Variants in EYS observed in about 807,000 individuals in gnomAD.
EYS encodes the protein protein eyes shut homolog.
EYS carries 250 observed loss-of-function variants against 282.1 expected under a neutral mutation model. The observed-to-expected ratio is 0.89, with a 90% CI of 0.80 to 0.98. The LOEUF is 0.98. Ranked by LOEUF, EYS falls within the 50% of genes least tolerant of loss-of-function variation. The probability of loss-of-function intolerance (pLI) is 0.00; values close to 1 mark genes in which losing one functional copy is unlikely to be tolerated. For missense variants in EYS, 4,016 were observed against 3,709.0 expected, an observed-to-expected ratio of 1.08 and a Z score of -2.15; for synonymous variants, 1,355 against 1,282.9, an observed-to-expected ratio of 1.06 and a Z score of -1.20.
intron 33 of EYS, among the ~76,000 whole-genome samples, chr6:64,018,894 C>T (rs1248128345): frequency 1.3e-5 from 2 of 150,940 alleles, no homozygotes; most frequent in African/African-American, 2.4e-5. Flanking sequence ...CCTGCCTCAG[C>T]CTCCTGAGTA....
rs1184519503 is a variant in EYS, at chr6:65,225,710, C to A, written c.2023+70153G>T. Among the ~76,000 whole-genome samples the A allele has an allele frequency of 2.8e-5, 4 of 144,154 alleles. No homozygotes were observed. In the East Asian group the frequency reaches 6.0e-4, roughly 22 times the overall value. 94.6% of individuals were successfully genotyped at this position (144,154 alleles called of 152,430 possible). On this transcript the variant is annotated intron_variant, in intron 12 of 42. Coordinates refer to ENST00000503581, the MANE Select transcript of EYS (RefSeq NM_001142800.2). ...GCCTGGGTAACTAGAGCAAAAAACTCCATCAAAAAAGAAAAAAAAAAAAAA... is the reference window on the plus strand; with the variant it reads ...GCCTGGGTAACTAGAGCAAAAAACTACATCAAAAAAGAAAAAAAAAAAAAA...
chr6:65,347,560 ATTT>A (rs33935472), intron 9 of EYS, among the ~76,000 whole-genome samples: 63 of 146,990 alleles, frequency 4.3e-4, no homozygotes, highest in Non-Finnish European at 6.3e-4. Context: ...TTCCCCATCC[ATTT>A]TTTTTTTTTG....
intron 26 of EYS, among the ~76,000 whole-genome samples, chr6:64,553,545 A>AACCCCCC (rs1765150929): frequency 4.3e-5 from 2 of 46,458 alleles, no homozygotes; most frequent in Non-Finnish European, 4.5e-5. Context: ...CTTTTGTTTG[A>AACCCCCC]CCCCCCCCCC....
rs150096232 is a variant in EYS at position 63,913,841 on chromosome 6, A to C, written c.7056-49483T>G. Among the ~76,000 whole-genome samples the C allele has an allele frequency of 1.6e-4, 25 of 152,290 alleles. No homozygotes were observed. The East Asian group carries it at 4.8e-3, about 29-fold the overall frequency. On this transcript the variant is annotated intron_variant, in intron 35 of 42. Coordinates refer to ENST00000503581, the MANE Select transcript of EYS (RefSeq NM_001142800.2). Reference sequence around the variant, plus strand: ...TCTTGTTTTATCGTGCATTGCAGATAATGTGTTTTTTTTGAAGGTTTGTGG... The same window carrying C: ...TCTTGTTTTATCGTGCATTGCAGATCATGTGTTTTTTTTGAAGGTTTGTGG...
intron 31 of EYS, among the ~76,000 whole-genome samples, chr6:64,141,732 A>G (rs1037981196): frequency 6.6e-6 from 1 of 152,218 alleles, no homozygotes; most frequent in African/African-American, 2.4e-5. Context: ...ATTTTAATTT[A>G]TAAAACAATG....
chr6:65,620,833 G>A (rs1766450218), intron 2 of EYS, among the ~76,000 whole-genome samples: 1 of 152,078 alleles, frequency 6.6e-6, no homozygotes, highest in Non-Finnish European at 1.5e-5. Context: ...TCAGGATCAG[G>A]TTGTTCAGTT....
intron 22 of EYS, among the ~76,000 whole-genome samples, chr6:64,762,002 T>C (rs920978759): frequency 3.9e-5 from 6 of 152,168 alleles, no homozygotes; most frequent in Non-Finnish European, 8.8e-5. Context: ...TACTTAATAA[T>C]AATGAATGAA....
intron 35 of EYS, among the ~76,000 whole-genome samples, chr6:63,911,203 A>G (rs1460657147): frequency 6.6e-6 from 1 of 151,896 alleles, no homozygotes; most frequent in Non-Finnish European, 1.5e-5. Flanking sequence ...CAGCTTTATC[A>G]GCTCCATTAG....
At chr6:65,038,355 T>C (rs921547702) in intron 13 of EYS, among the ~76,000 whole-genome samples, 19 of 151,534 alleles carry the variant, frequency 1.3e-4, no homozygotes, top group Middle Eastern at 3.4e-3. Flanking sequence ...TTATAATAGG[T>C]CCCTTTTCTT....
intron 13 of EYS, among the ~76,000 whole-genome samples, chr6:65,001,537 T>C (rs1372098323): frequency 1.4e-5 from 2 of 147,826 alleles, no homozygotes; most frequent in Non-Finnish European, 3.0e-5. Context: ...GGGTACGGGC[T>C]AGGGAGCATG....
chr6:65,683,003 C>T lies in EYS; in HGVS notation c.-448+24132G>A, dbSNP rs1768889882. On this transcript the variant is annotated intron_variant, in intron 1 of 42. Coordinates refer to ENST00000503581, the MANE Select transcript of EYS (RefSeq NM_001142800.2). ...TGTCATTTAAGCATTTTATGCAGAACAGTACTATGTTCAGATATGGATCAA... is the reference window on the plus strand; with the variant it reads ...TGTCATTTAAGCATTTTATGCAGAATAGTACTATGTTCAGATATGGATCAA... Among the ~76,000 whole-genome samples, 4 of 151,938 alleles carry T rather than the reference C, an allele frequency of 2.6e-5. No homozygotes were observed. The South Asian group carries it at 8.3e-4, about 32-fold the overall frequency.
intron 32 of EYS, among the ~76,000 whole-genome samples, chr6:64,076,716 C>T (rs550464540): frequency 9.2e-5 from 14 of 152,034 alleles, no homozygotes; most frequent in African/African-American, 3.4e-4. Context: ...GTCCATTAAA[C>T]CTCTTCTTCT....
At position 64,513,303 on chromosome 6, in the gene EYS, T is replaced by C. The variant is rs76566535; in HGVS notation, c.5645-73951A>G. Among the ~76,000 whole-genome samples the C allele has an allele frequency of 3.2e-4, 49 of 152,116 alleles. 1 individual carries two copies. In the East Asian group the frequency reaches 9.5e-3, roughly 29 times the overall value. ...AATTTATAAATTGGCAAAAGTGTCATTGTTAAACGTACTGTTTTTCTTTTA... is the reference window on the plus strand; with the variant it reads ...AATTTATAAATTGGCAAAAGTGTCACTGTTAAACGTACTGTTTTTCTTTTA... On this transcript the variant is annotated intron_variant, in intron 26 of 42. Coordinates refer to ENST00000503581, the MANE Select transcript of EYS (RefSeq NM_001142800.2).
Position 64,489,241 on chromosome 6 carries a change from C to A in EYS, c.5645-49889G>T, listed in dbSNP as rs1776664964. 2.7e-5 allele frequency among the ~76,000 whole-genome samples: 4 copies of A among 150,534 alleles called. No individual in the cohort carries two copies. The South Asian group carries it at 8.3e-4, about 31-fold the overall frequency. On this transcript the variant is annotated intron_variant, in intron 26 of 42. Transcript: ENST00000503581. ...TTATAATATATCATTGTACATAGAC[C>A]ATAGAAATATAAAATCTAACTTCAA...
At chr6:63,867,582 A>G (rs965540470) in intron 35 of EYS, among the ~76,000 whole-genome samples, 1 of 152,192 alleles carries the variant, frequency 6.6e-6, no homozygotes, top group Non-Finnish European at 1.5e-5. Context: ...TCGCTTTTGC[A>G]TTCTTTGTAG....
At chr6:64,711,841 G>A (rs62415461) in intron 22 of EYS, among the ~76,000 whole-genome samples, 1 of 152,110 alleles carries the variant, frequency 6.6e-6, no homozygotes, top group Non-Finnish European at 1.5e-5. Flanking sequence ...ATGAGACTCC[G>A]GTCTTTATAG....
chr6:64,718,206 G>A (rs1236659002), intron 22 of EYS, among the ~76,000 whole-genome samples: 1 of 152,158 alleles, frequency 6.6e-6, no homozygotes, highest in Non-Finnish European at 1.5e-5. Context: ...CCACTTAGCT[G>A]AACTGAGCTA....
intron 12 of EYS, among the ~76,000 whole-genome samples, chr6:65,294,753 C>T (rs1053020581): frequency 5.9e-5 from 9 of 151,726 alleles, no homozygotes; most frequent in African/African-American, 2.2e-4. Context: ...TATATATTTA[C>T]TGATATTTGG....
intron 26 of EYS, among the ~76,000 whole-genome samples, chr6:64,449,205 G>A (rs977720828): frequency 2.0e-5 from 3 of 152,134 alleles, no homozygotes; most frequent in South Asian, 2.1e-4. Context: ...ACTACGTGAT[G>A]AATGCACAAG....
Sources: allele counts gnomAD v4.1 joint callset (sites outside exome capture counted in the v4.1 genomes callset), GRCh38; gene constraint gnomAD v4.1.1; transcripts MANE v1.5; gene names NCBI Gene and HGNC (gene_info 2026-07-23, HGNC 2026-07-21).